Variants in ARHGAP15 observed in about 807,000 individuals in gnomAD.
ARHGAP15 encodes the protein rho GTPase-activating protein 15.
ARHGAP15 carries 51 observed loss-of-function variants against 63.7 expected under a neutral mutation model. That is an observed-to-expected ratio of 0.80 (90% CI 0.64 to 1.01). The LOEUF is 1.01. Among genes scored for constraint, ARHGAP15 ranks in the 50% least tolerant of loss-of-function variants. ARHGAP15 has a pLI of 0.00. For missense variants in ARHGAP15, 560 were observed against 564.6 expected (o/e 0.99, Z 0.08); for synonymous variants, 191 against 193.8 (o/e 0.99, Z 0.12).
chr2:143,411,809 G>A (rs570150018), intron 6 of ARHGAP15, among the ~76,000 whole-genome samples: 2 of 152,138 alleles, frequency 1.3e-5, no homozygotes, highest in Non-Finnish European at 2.9e-5. Flanking sequence ...AAGAAAAATC[G>A]AGAAAGTAAT....
chr2:143,639,837 T>A (rs1223471166), intron 12 of ARHGAP15, among the ~76,000 whole-genome samples: 2 of 152,150 alleles, frequency 1.3e-5, no homozygotes, highest in African/African-American at 4.8e-5. Flanking sequence ...TAAAATACTA[T>A]GTCTACTCAC....
At chr2:143,612,335 A>G (rs370001996) in intron 11 of ARHGAP15, among the ~76,000 whole-genome samples, 149 of 152,300 alleles carry the variant, frequency 9.8e-4, no homozygotes, top group African/African-American at 3.4e-3. Flanking sequence ...ACTAATTAGT[A>G]TTTGTAGAAA....
chr2:143,141,269 G>A (rs1000464882), intron 1 of ARHGAP15, among the ~76,000 whole-genome samples: 5 of 152,066 alleles, frequency 3.3e-5, no homozygotes, highest in African/African-American at 1.2e-4. Context: ...CAAGACAGGG[G>A]ATTTCAGACA....
At chr2:143,532,478 G>A (rs538112599) in intron 10 of ARHGAP15, among the ~76,000 whole-genome samples, 1 of 152,248 alleles carries the variant, frequency 6.6e-6, no homozygotes, top group Admixed American at 6.5e-5. Flanking sequence ...CTTTTCACAA[G>A]TTTTTTTATG....
chr2:143,447,575 C>G (rs1276247090), intron 8 of ARHGAP15, among the ~76,000 whole-genome samples: 2 of 152,136 alleles, frequency 1.3e-5, no homozygotes, highest in African/African-American at 2.4e-5. Flanking sequence ...TAAACCAGGA[C>G]CACTCTATTC....
intron 9 of ARHGAP15, among the ~76,000 whole-genome samples, chr2:143,496,373 A>G (rs1256391117): frequency 1.3e-5 from 2 of 152,204 alleles, no homozygotes; most frequent in Non-Finnish European, 2.9e-5. Context: ...ATAGCTTTGG[A>G]GCAAACTAGA....
chr2:143,582,930 C>G (rs1696968021), intron 11 of ARHGAP15, among the ~76,000 whole-genome samples: 1 of 152,202 alleles, frequency 6.6e-6, no homozygotes, highest in Admixed American at 6.5e-5. Context: ...CTACCAAGAA[C>G]TGGCTCAGGT....
At chr2:143,526,713 AG>A (rs1368493506) in intron 10 of ARHGAP15, among the ~76,000 whole-genome samples, 5 of 151,812 alleles carry the variant, frequency 3.3e-5, no homozygotes, top group Admixed American at 1.3e-4. Context: ...ACAAAATTTG[AG>A]AAAAAATTGC....
chr2:143,255,485 T>A (rs1022814608), intron 6 of ARHGAP15, among the ~76,000 whole-genome samples: 3 of 152,300 alleles, frequency 2.0e-5, no homozygotes, highest in Admixed American at 6.5e-5. Context: ...TAAACTTTTT[T>A]ATGTAATATT....
intron 6 of ARHGAP15, among the ~76,000 whole-genome samples, chr2:143,415,598 A>G (rs1384611946): frequency 6.6e-6 from 1 of 152,220 alleles, no homozygotes; most frequent in East Asian, 1.9e-4. Flanking sequence ...ATTAAAAAGT[A>G]AAAAGATTAA....
intron 12 of ARHGAP15, among the ~76,000 whole-genome samples, chr2:143,697,547 C>T (rs1683905585): frequency 6.6e-6 from 1 of 152,150 alleles, no homozygotes; most frequent in Non-Finnish European, 1.5e-5. Flanking sequence ...TTTCCAGATT[C>T]CTGAGAAGTG....
At chr2:143,191,059 G>A (rs569363617) in intron 2 of ARHGAP15, among the ~76,000 whole-genome samples, 7 of 152,288 alleles carry the variant, frequency 4.6e-5, no homozygotes, top group East Asian at 1.9e-4. Flanking sequence ...GTGAGCCACC[G>A]CACCCGGCCC....
At chr2:143,334,811 G>C (rs1049371666) in intron 6 of ARHGAP15, among the ~76,000 whole-genome samples, 3 of 152,196 alleles carry the variant, frequency 2.0e-5, no homozygotes. Flanking sequence ...TGCTTCAACA[G>C]CCAGGCGTGG....
intron 12 of ARHGAP15, among the ~76,000 whole-genome samples, chr2:143,673,750 G>GTATA (rs1239149068): frequency 0.011 from 370 of 34,640 alleles, 23 homozygotes; most frequent in Middle Eastern, 0.1. Context: ...GTGTGTGTGT[G>GTATA]TGTGTGTGTA....
rs148750157 is a variant in ARHGAP15 at position 143,142,105 on chromosome 2, A to T, written c.-15+12639A>T. Among the ~76,000 whole-genome samples, 16 of 152,260 alleles carry T rather than the reference A, an allele frequency of 1.1e-4. No homozygotes were observed. In the East Asian group the frequency reaches 2.5e-3, roughly 24 times the overall value. ...TTTTCTGTTTTTTTTTAAAAGTAAC[A>T]ACCCTCATTTTTCAATTGGAAATTG... is the stretch of plus-strand genomic sequence containing the variant. On this transcript the variant is annotated intron_variant, in intron 1 of 13. Transcript: ENST00000295095.
At chr2:143,561,987 CATTA>C (rs1696049644) in intron 11 of ARHGAP15, among the ~76,000 whole-genome samples, 1 of 152,010 alleles carries the variant, frequency 6.6e-6, no homozygotes, top group South Asian at 2.1e-4. Context: ...GGATTTTTTT[CATTA>C]ATTTATGGTC....
At chr2:143,469,953 C>G (rs1389218000) in intron 8 of ARHGAP15, among the ~76,000 whole-genome samples, 1 of 151,892 alleles carries the variant, frequency 6.6e-6, no homozygotes, top group Non-Finnish European at 1.5e-5. Context: ...CTCTCACTCT[C>G]TCTCTTTTTT....
At chr2:143,761,168 A>G (rs1686748145) in intron 13 of ARHGAP15, among the ~76,000 whole-genome samples, 1 of 152,214 alleles carries the variant, frequency 6.6e-6, no homozygotes. Context: ...CGAAATAGTT[A>G]TAGCACATAG....
chr2:143,408,281 A>G (rs1688299051), intron 6 of ARHGAP15, among the ~76,000 whole-genome samples: 4 of 149,314 alleles, frequency 2.7e-5, no homozygotes, highest in Admixed American at 2.0e-4. Flanking sequence ...TCTGCAAACT[A>G]CTTTTAATAG....
Sources: allele counts gnomAD v4.1 joint callset (sites outside exome capture counted in the v4.1 genomes callset), GRCh38; gene constraint gnomAD v4.1.1; transcripts MANE v1.5; gene names NCBI Gene and HGNC (gene_info 2026-07-23, HGNC 2026-07-21).